The following TNR variants were observed in gnomAD, a reference collection of about 807,000 sequenced individuals.
TNR encodes the protein tenascin R.
A neutral mutation model predicts 150.4 loss-of-function variants in TNR; 45 were observed. The ratio of observed to expected loss-of-function variants is 0.30; its 90% CI spans 0.24 to 0.38. The LOEUF is 0.38. Ranked by LOEUF, TNR falls within the 10% of genes least tolerant of loss-of-function variation. The pLI is 1.00. For synonymous variants in TNR, 687 were observed against 678.4 expected, an observed-to-expected ratio of 1.01 and a Z score of -0.20; for missense variants, 1,544 against 1,759.1, an observed-to-expected ratio of 0.88 and a Z score of 2.19.
chr1:175,488,744 A>G (rs1258157698), intron 2 of TNR, among the ~76,000 whole-genome samples: 1 of 152,192 alleles, frequency 6.6e-6, no homozygotes. Flanking sequence ...AAACTCCCAG[A>G]ATCCCCCTGC....
intron 1 of TNR, among the ~76,000 whole-genome samples, chr1:175,531,423 G>A (rs907153354): frequency 1.3e-5 from 2 of 152,208 alleles, no homozygotes; most frequent in Non-Finnish European, 2.9e-5. Context: ...CATTCTTGAA[G>A]CTGATGTGTC....
At chr1:175,436,024 C>A (rs1397841864) in intron 2 of TNR, among the ~76,000 whole-genome samples, 1 of 152,216 alleles carries the variant, frequency 6.6e-6, no homozygotes, top group Non-Finnish European at 1.5e-5. Context: ...GTCTGATGGG[C>A]TTCCCTTTGT....
rs150076102 is a variant in TNR, at chr1:175,507,549, C to T, written c.-64+20720G>A. On this transcript the variant is annotated intron_variant, in intron 2 of 22. Coordinates refer to ENST00000367674, the MANE Select transcript of TNR (RefSeq NM_003285.3). ...TCTGTCCGCCTCACATCTGATCCCC[C>T]CTTCCCTGTCCCCCTACCTGACACA... Among the ~76,000 whole-genome samples the T allele has an allele frequency of 1.1e-4, 16 of 152,010 alleles. 1 individual carries two copies. The East Asian group carries it at 2.9e-3, about 28-fold the overall frequency.
chr1:175,415,130 C>A (rs1256052337), intron 2 of TNR, among the ~76,000 whole-genome samples: 3 of 146,724 alleles, frequency 2.0e-5, no homozygotes, highest in African/African-American at 7.8e-5. Flanking sequence ...TGGAAAATGA[C>A]ACTCTTTTTT....
chr1:175,661,977 C>T (rs59354293), intron 1 of TNR, among the ~76,000 whole-genome samples: 3,373 of 152,110 alleles, frequency 0.022, 102 homozygotes, highest in African/African-American at 0.065. Flanking sequence ...GTGGCATTCC[C>T]GCTTTCATCC....
chr1:175,732,181 G>A (rs575784144), intron 1 of TNR, among the ~76,000 whole-genome samples: 1 of 152,194 alleles, frequency 6.6e-6, no homozygotes, highest in East Asian at 1.9e-4. Context: ...GGGCTTGGCT[G>A]TATCTGCCTT....
intron 2 of TNR, among the ~76,000 whole-genome samples, chr1:175,520,945 C>A (rs1659613278): frequency 6.6e-6 from 1 of 152,312 alleles, no homozygotes; most frequent in Middle Eastern, 3.4e-3. Flanking sequence ...ACAAGTCTCT[C>A]AGAGGACACC....
At chr1:175,674,651 C>T (rs564674420) in intron 1 of TNR, among the ~76,000 whole-genome samples, 29 of 152,278 alleles carry the variant, frequency 1.9e-4, no homozygotes, top group East Asian at 9.7e-4. Context: ...GCCATCTAGA[C>T]GCTTGTTCAC....
At chr1:175,431,547 G>C (rs2102070955) in intron 2 of TNR, among the ~76,000 whole-genome samples, 1 of 152,150 alleles carries the variant, frequency 6.6e-6, no homozygotes, top group East Asian at 1.9e-4. Flanking sequence ...CAGTCCTTTA[G>C]ATCCTAGGAA....
chr1:175,471,390 G>A (rs1300117025), intron 2 of TNR, among the ~76,000 whole-genome samples: 2 of 152,180 alleles, frequency 1.3e-5, no homozygotes. Context: ...ATCATAGAAT[G>A]CACTTACACA....
chr1:175,558,325 A>ATCT (rs1314571262), intron 1 of TNR, among the ~76,000 whole-genome samples: 16 of 152,330 alleles, frequency 1.1e-4, no homozygotes, highest in African/African-American at 3.6e-4. Context: ...TCTTTTTTAA[A>ATCT]ATAATTATCT....
chr1:175,682,892 T>A (rs928170574), intron 1 of TNR, among the ~76,000 whole-genome samples: 10 of 152,130 alleles, frequency 6.6e-5, no homozygotes, highest in African/African-American at 2.4e-4. Context: ...AAGCCTAAGA[T>A]CTTACTCCTG....
intron 2 of TNR, among the ~76,000 whole-genome samples, chr1:175,463,220 T>C (rs183233114): frequency 6.6e-6 from 1 of 152,276 alleles, no homozygotes; most frequent in Admixed American, 6.5e-5. Context: ...AGGTTCCTTA[T>C]ACCACTGACT....
At chr1:175,621,859 T>A (rs1173709466) in intron 1 of TNR, among the ~76,000 whole-genome samples, 1 of 152,250 alleles carries the variant, frequency 6.6e-6, no homozygotes, top group Non-Finnish European at 1.5e-5. Flanking sequence ...AGGCAAGGAT[T>A]TGTATCGCAC....
chr1:175,351,871 A>G (rs948426711), intron 18 of TNR, among the ~76,000 whole-genome samples: 3 of 152,186 alleles, frequency 2.0e-5, no homozygotes, highest in Non-Finnish European at 4.4e-5. Context: ...CCGCATAGGA[A>G]ATTGGGCTCT....
intron 1 of TNR, among the ~76,000 whole-genome samples, chr1:175,531,104 C>A (rs908143831): frequency 6.6e-6 from 1 of 152,136 alleles, no homozygotes; most frequent in Non-Finnish European, 1.5e-5. Context: ...TATTCCAGTC[C>A]TATCCTCTTT....
chr1:175,363,973 T>C (rs1268888654), intron 12 of TNR, 146 bp from the exon 13 acceptor site: 28 of 987,704 alleles, frequency 2.8e-5, no homozygotes, highest in Non-Finnish European at 3.7e-5. Context: ...CTTAAAACCA[T>C]GGTCACGCTG....
At chr1:175,507,448 C>A (rs1659003398) in intron 2 of TNR, among the ~76,000 whole-genome samples, 1 of 152,106 alleles carries the variant, frequency 6.6e-6, no homozygotes, top group African/African-American at 2.4e-5. Context: ...TTACATGAGT[C>A]CTTTGATATC....
chr1:175,549,857 GCTGGTCAACA>G (rs1227838408), intron 1 of TNR, among the ~76,000 whole-genome samples: 27 of 152,198 alleles, frequency 1.8e-4, no homozygotes, highest in African/African-American at 2.4e-5. Context: ...TGAGGGTGCA[GCTGGTCAACA>G]CCATGATCCC....
Sources: allele counts gnomAD v4.1 joint callset (sites outside exome capture counted in the v4.1 genomes callset), GRCh38; gene constraint gnomAD v4.1.1; transcripts MANE v1.5; gene names NCBI Gene and HGNC (gene_info 2026-07-23, HGNC 2026-07-21).